WDR7: variants seen among roughly 807,000 people sequenced by gnomAD.
The protein encoded by WDR7 is WD repeat-containing protein 7.
A neutral mutation model predicts 169.4 loss-of-function variants in WDR7; 46 were observed. The observed-to-expected ratio is 0.27, with a 90% confidence interval of 0.21 to 0.35. The LOEUF (loss-of-function observed/expected upper bound fraction) is 0.35, where lower values mean the gene tolerates loss of function less well. Among genes scored for constraint, WDR7 ranks in the 10% least tolerant of loss-of-function variants. The pLI, the probability that WDR7 is intolerant of heterozygous loss-of-function variation, is 1.00. For missense variants in WDR7, 1,534 were observed against 1,859.3 expected (o/e 0.83, Z 3.22); for synonymous variants, 612 against 666.8 (o/e 0.92, Z 1.27).
chr18:56,997,371 T>G (rs2047912617), intron 26 of WDR7, among the ~76,000 whole-genome samples: 1 of 152,156 alleles, frequency 6.6e-6, no homozygotes. Flanking sequence ...TCCCCATGGG[T>G]CAGATCTGGG....
intron 19 of WDR7, among the ~76,000 whole-genome samples, chr18:56,813,983 G>A (rs187841732): frequency 1.1e-4 from 16 of 152,266 alleles, no homozygotes; most frequent in Middle Eastern, 6.8e-3. Flanking sequence ...TGATTCTGTG[G>A]TTTCTCAAGG....
chr18:56,937,404 A>G (rs1021660259), intron 23 of WDR7, among the ~76,000 whole-genome samples: 2 of 144,274 alleles, frequency 1.4e-5, no homozygotes, highest in Non-Finnish European at 2.9e-5. Flanking sequence ...ATAAAAATAA[A>G]TGAAACAACA....
intron 27 of WDR7, 23 bp downstream of exon 27, chr18:57,020,872 C>G (rs781653677): frequency 2.7e-5 from 44 of 1,608,544 alleles, no homozygotes; most frequent in Non-Finnish European, 3.7e-5. Flanking sequence ...GCTCCAGGGT[C>G]TTAAAGCATA....
chr18:57,000,373 CAATT>C (rs540145230), intron 26 of WDR7, among the ~76,000 whole-genome samples: 4 of 152,094 alleles, frequency 2.6e-5, no homozygotes, highest in African/African-American at 7.2e-5. Flanking sequence ...AAAAAGGTGT[CAATT>C]AAGCACGATA....
chr18:56,841,889 A>G (rs2045492104), intron 20 of WDR7, among the ~76,000 whole-genome samples: 1 of 152,174 alleles, frequency 6.6e-6, no homozygotes, highest in African/African-American at 2.4e-5. Context: ...GAAGGATAAT[A>G]TAACTTTTCC....
chr18:56,665,274 CAA>C (rs1288600413), intron 1 of WDR7, among the ~76,000 whole-genome samples: 2 of 129,668 alleles, frequency 1.5e-5, no homozygotes, highest in East Asian at 4.5e-4. Flanking sequence ...GCCTGGGTGA[CAA>C]GAGTAAAACT....
At chr18:56,944,921 A>G (rs2047083301) in intron 25 of WDR7, among the ~76,000 whole-genome samples, 1 of 152,226 alleles carries the variant, frequency 6.6e-6, no homozygotes, top group South Asian at 2.1e-4. Flanking sequence ...AGTGATATTT[A>G]TAGTGATATT....
chr18:56,866,326 ATCT>A (rs897648439), intron 20 of WDR7, among the ~76,000 whole-genome samples: 8 of 151,968 alleles, frequency 5.3e-5, no homozygotes, highest in African/African-American at 1.9e-4. Flanking sequence ...GTTTTTTTAA[ATCT>A]TAATAGTTTT....
intron 16 of WDR7, among the ~76,000 whole-genome samples, chr18:56,765,153 T>A (rs2044041483): frequency 6.6e-6 from 1 of 152,146 alleles, no homozygotes; most frequent in African/African-American, 2.4e-5. Context: ...GATGTGTTTC[T>A]TGTGGGCAGC....
chr18:56,777,726 T>C (rs1184552413), intron 17 of WDR7, among the ~76,000 whole-genome samples: 2 of 152,178 alleles, frequency 1.3e-5, no homozygotes, highest in Non-Finnish European at 1.5e-5. Context: ...ATGGAAGGAA[T>C]CTTGCAATCT....
Position 56,880,090 on chromosome 18 carries a change from C to G in WDR7, c.3451C>G (p.Arg1151Gly), listed in dbSNP as rs746866180. The G allele has an allele frequency of 1.9e-6, 3 of 1,613,910 alleles. No individual in the cohort carries two copies. The highest frequency in any genetic ancestry group is 2.7e-5 in the African/African-American group (2 of 74,902). ...IEPPKLLTRP[R>G]SSSQIPEGFG... is the part of the protein sequence containing the mutation. ...ACCTCCTAAACTATTGACCAGACCT[C>G]GAAGCTCTAGCCAAATTCCTGAGGG... Residue 1151 changes from arginine (R) to glycine (G), a missense_variant, in exon 21 of 28, where the codon CGA becomes GGA. Coordinates refer to ENST00000254442, the MANE Select transcript of WDR7 (RefSeq NM_015285.3).
chr18:56,773,784 A>G (rs189395469), intron 16 of WDR7, among the ~76,000 whole-genome samples: 2 of 152,256 alleles, frequency 1.3e-5, no homozygotes, highest in East Asian at 1.9e-4. Context: ...ATGTTGCTCT[A>G]TAATATCTGG....
chr18:56,844,888 T>TAG (rs557626219), intron 20 of WDR7, among the ~76,000 whole-genome samples: 4 of 152,178 alleles, frequency 2.6e-5, no homozygotes, highest in East Asian at 1.9e-4. Context: ...GTAAGATATT[T>TAG]AGAGAGAGAG....
intron 22 of WDR7, among the ~76,000 whole-genome samples, chr18:56,930,468 T>TTA (rs140390870): frequency 0.054 from 8,222 of 152,212 alleles, 718 homozygotes; most frequent in African/African-American, 0.18. Flanking sequence ...ATAAATCCTA[T>TTA]TAGCATAGTT....
chr18:56,945,015 G>C (rs1032437031), intron 25 of WDR7, among the ~76,000 whole-genome samples: 10 of 152,028 alleles, frequency 6.6e-5, no homozygotes, highest in Admixed American at 6.6e-4. Flanking sequence ...TTTATATCTA[G>C]CTTTTAACCT....
downstream of WDR7, chr18:57,034,385 C>T (rs377307091): frequency 7.2e-5 from 11 of 152,140 alleles, no homozygotes; most frequent in East Asian, 1.6e-3. Context: ...ATGCTGATCC[C>T]GAGAACACTG....
intron 21 of WDR7, among the ~76,000 whole-genome samples, chr18:56,884,408 T>C (rs1311583862): frequency 6.6e-6 from 1 of 152,256 alleles, no homozygotes; most frequent in Non-Finnish European, 1.5e-5. Flanking sequence ...ATTTGTCCTT[T>C]GTCAGATGTG....
chr18:56,961,536 ATT>A (rs1238204827), intron 25 of WDR7, among the ~76,000 whole-genome samples: 6 of 152,174 alleles, frequency 3.9e-5, no homozygotes, highest in Non-Finnish European at 7.4e-5. Context: ...ATTTGAAACT[ATT>A]CGCAGATATA....
chr18:56,862,455 T>TA (rs1478704155), intron 20 of WDR7, among the ~76,000 whole-genome samples: 2 of 151,612 alleles, frequency 1.3e-5, no homozygotes, highest in African/African-American at 4.8e-5. Context: ...CACTACATTT[T>TA]AAGAAATTTT....
Sources: allele counts gnomAD v4.1 joint callset (sites outside exome capture counted in the v4.1 genomes callset), GRCh38; gene constraint gnomAD v4.1.1; transcripts MANE v1.5; gene names NCBI Gene and HGNC (gene_info 2026-07-23, HGNC 2026-07-21).